Variants in NCAPD3 observed in about 807,000 individuals in gnomAD.
The protein encoded by NCAPD3 is non-SMC condensin II complex subunit D3, also known as condensin-2 complex subunit D3.
A neutral mutation model predicts 182.9 loss-of-function variants in NCAPD3; 105 were observed. The ratio of observed to expected loss-of-function variants is 0.57; its 90% CI spans 0.49 to 0.68. The LOEUF (loss-of-function observed/expected upper bound fraction) is 0.68. Among genes scored for constraint, NCAPD3 ranks in the 30% least tolerant of loss-of-function variants. The probability of loss-of-function intolerance (pLI) is 0.00; values close to 1 mark genes in which losing one functional copy is unlikely to be tolerated. For synonymous variants in NCAPD3, 815 were observed against 679.9 expected (o/e 1.20, Z -3.09); for missense variants, 1,944 against 1,837.0 (o/e 1.06, Z -1.07).
In NCAPD3 at chr11:134,178,693, G is replaced by C. The variant is rs144266761; in HGVS notation, c.2723C>G (p.Pro908Arg). Residue 908 changes from proline (P) to arginine (R), a missense_variant, in exon 22 of 35, where the codon CCC becomes CGC. Transcript: ENST00000534548. ...SSEAPASQPPPQVRGSVMPSV... is the reference protein window; with the variant it reads ...SSEAPASQPPRQVRGSVMPSV... The stretch of plus-strand genomic sequence containing the variant: ...GGGCATGACAGAACCTCTGACCTGG[G>C]GGGGTGGCTGAGACGCTGGGGCCTC... The C allele has an allele frequency of 3.1e-6, 5 of 1,601,354 alleles. No homozygotes were observed. The highest frequency in any genetic ancestry group is 2.2e-5 in the East Asian group (1 of 44,688).
chr11:134,206,113 C>T (rs1040541659), intron 8 of NCAPD3, among the ~76,000 whole-genome samples: 1 of 152,178 alleles, frequency 6.6e-6, no homozygotes, highest in Admixed American at 6.5e-5. Context: ...TAGTCTAACA[C>T]TTATTGCTAC....
chr11:134,181,567 A>G (rs975377999), intron 19 of NCAPD3, among the ~76,000 whole-genome samples: 2 of 152,220 alleles, frequency 1.3e-5, no homozygotes. Context: ...TGAATTAACT[A>G]CTGTGATAAA....
At chr11:134,164,060 A>G (rs1308557682) in intron 27 of NCAPD3, among the ~76,000 whole-genome samples, 1 of 152,158 alleles carries the variant, frequency 6.6e-6, no homozygotes, top group Non-Finnish European at 1.5e-5. Flanking sequence ...ATCTTGTGGC[A>G]AGATATGATC....
chr11:134,201,652 C>T (rs1289672501), intron 13 of NCAPD3, among the ~76,000 whole-genome samples: 1 of 152,180 alleles, frequency 6.6e-6, no homozygotes, highest in Non-Finnish European at 1.5e-5. Flanking sequence ...GAAACATGGG[C>T]TCTTTGCGTC....
chr11:134,165,936 C>T (rs1343357449), intron 27 of NCAPD3, among the ~76,000 whole-genome samples: 3 of 111,778 alleles, frequency 2.7e-5, no homozygotes, highest in African/African-American at 3.6e-5. Context: ...GGGAGCAGCA[C>T]ACTCACTTGT....
At chr11:134,159,683 C>G (rs542031602) in intron 29 of NCAPD3, among the ~76,000 whole-genome samples, 9 of 152,226 alleles carry the variant, frequency 5.9e-5, no homozygotes, top group African/African-American at 1.9e-4. Flanking sequence ...CTTCCTGCAC[C>G]ACGTCCTCAT....
intron 25 of NCAPD3, 28 bp downstream of exon 25, chr11:134,168,889 G>A (rs750611302): frequency 1.2e-6 from 2 of 1,603,030 alleles, no homozygotes; most frequent in African/African-American, 2.7e-5. Context: ...CCAGATACAA[G>A]GAGACCAGAC....
chr11:134,158,148 GC>G, intron 30 of NCAPD3, 81 bp from the exon 31 acceptor site: 1 of 1,550,554 alleles, frequency 6.4e-7, no homozygotes, highest in Admixed American at 1.8e-5. Flanking sequence ...GTCCCCGCGT[GC>G]CTCCTCACCG....
intron 7 of NCAPD3, among the ~76,000 whole-genome samples, chr11:134,206,952 G>A (rs571640936): frequency 3.0e-4 from 46 of 152,286 alleles, no homozygotes; most frequent in Non-Finnish European, 5.7e-4. Context: ...CAGATGATAT[G>A]TCTGATAAAA....
chr11:134,223,257 C>T, intron 1 of NCAPD3: 1 of 589,536 alleles, frequency 1.7e-6, no homozygotes, highest in Non-Finnish European at 3.1e-6. Context: ...CTAAAATACT[C>T]CTGCAATTGC....
intron 13 of NCAPD3, among the ~76,000 whole-genome samples, chr11:134,197,809 G>A (rs1020700080): frequency 6.6e-6 from 1 of 152,168 alleles, no homozygotes; most frequent in Non-Finnish European, 1.5e-5. Context: ...AATAGATGCA[G>A]AGAAAGCATT....
chr11:134,208,841 A>G (rs759407838), intron 7 of NCAPD3, 23 bp downstream of exon 7: 4 of 1,564,632 alleles, frequency 2.6e-6, no homozygotes, highest in Middle Eastern at 1.7e-4. Flanking sequence ...CTAGTAACCA[A>G]ATTAGGTTCT....
intron 27 of NCAPD3, among the ~76,000 whole-genome samples, 171 bp from the exon 28 acceptor site, chr11:134,162,062 T>C (rs967289880): frequency 6.6e-6 from 1 of 152,234 alleles, no homozygotes; most frequent in African/African-American, 2.4e-5. Context: ...GGAGACTTTG[T>C]AAGCATTACC....
chr11:134,163,561 G>A lies in NCAPD3; in HGVS notation c.3574-1670C>T, dbSNP rs183755957. ...AAAAATACAAAAAAACTAGCCGGCC[G>A]TGGTGGCTGGTGCCTGTAGTCCCAG... On this transcript the variant is annotated intron_variant, in intron 27 of 34. Coordinates refer to ENST00000534548, the MANE Select transcript of NCAPD3 (RefSeq NM_015261.3). Among the ~76,000 whole-genome samples the A allele has an allele frequency of 7.3e-3, 1,117 of 152,062 alleles. 9 individuals carry two copies. The highest frequency in any genetic ancestry group is 0.025 in the African/African-American group (1,046 of 41,464).
At chr11:134,153,238 G>A in intron 33 of NCAPD3, 38 bp from the exon 34 acceptor site, 4 of 1,613,798 alleles carry the variant, frequency 2.5e-6, no homozygotes, top group East Asian at 2.2e-5. Flanking sequence ...AGCTTTCCCA[G>A]AACCTCAAAG....
chr11:134,167,944 G>A (rs1943904667), intron 27 of NCAPD3, 52 bp downstream of exon 27: 2 of 1,549,028 alleles, frequency 1.3e-6, no homozygotes, highest in Non-Finnish European at 1.8e-6. Flanking sequence ...GAGCTTAGGG[G>A]AGCAGCACAC....
At chr11:134,197,021 T>A (rs1171335180) in intron 13 of NCAPD3, among the ~76,000 whole-genome samples, 2 of 152,152 alleles carry the variant, frequency 1.3e-5, no homozygotes, top group Non-Finnish European at 2.9e-5. Context: ...CGCAGCTTGG[T>A]GCTGTCTTCA....
At chr11:134,196,727 C>T (rs982734400) in intron 13 of NCAPD3, among the ~76,000 whole-genome samples, 2 of 151,432 alleles carry the variant, frequency 1.3e-5, no homozygotes, top group African/African-American at 4.9e-5. Flanking sequence ...CACACATACA[C>T]ACACACCCCT....
chr11:134,216,836 C>T, intron 3 of NCAPD3, 100 bp downstream of exon 3: 1 of 1,237,488 alleles, frequency 8.1e-7, no homozygotes, highest in Non-Finnish European at 1.1e-6. Context: ...AGCACTGCCC[C>T]ATTTATAAGT....
Sources: allele counts gnomAD v4.1 joint callset (sites outside exome capture counted in the v4.1 genomes callset), GRCh38; gene constraint gnomAD v4.1.1; transcripts MANE v1.5; gene names NCBI Gene and HGNC (gene_info 2026-07-23, HGNC 2026-07-21).